CAPN3: variants seen among roughly 807,000 people sequenced by gnomAD.
CAPN3 encodes calpain 3.
Under a neutral mutation model 114.0 loss-of-function variants are expected in CAPN3, and 88 were observed. The observed-to-expected ratio is 0.77, with a 90% CI of 0.65 to 0.92. CAPN3 has a LOEUF of 0.92. Among genes scored for constraint, CAPN3 ranks in the 40% least tolerant of loss-of-function variants. CAPN3 has a pLI of 0.00. For missense variants in CAPN3, 1,028 were observed against 1,069.0 expected (o/e 0.96, Z 0.53); for synonymous variants, 386 against 382.9 (o/e 1.01, Z -0.09).
chr15:42,404,932 A>G lies in CAPN3; in HGVS notation c.1783-994A>G, dbSNP rs189935283. ...ATTGATCAGGACCTGCAAACCCAAA[A>G]GCTTATGGGAGCTGGCACGTCACGT... On this transcript the variant is annotated intron_variant, in intron 14 of 23. Coordinates refer to ENST00000397163, the MANE Select transcript of CAPN3 (RefSeq NM_000070.3). The G allele has an allele frequency of 7.0e-6, 7 of 999,408 alleles. No homozygotes were observed. The Admixed American group carries it at 3.2e-4, about 45-fold the overall frequency. 61.9% of individuals were successfully genotyped at this position (999,408 alleles called of 1,614,324 possible).
chr15:42,373,859 G>C (rs975085039), intron 1 of CAPN3, among the ~76,000 whole-genome samples: 2 of 152,162 alleles, frequency 1.3e-5, no homozygotes, highest in African/African-American at 4.8e-5. Flanking sequence ...TCAGTAGCCT[G>C]TATAGGATTA....
At chr15:42,402,721 T>G in intron 12 of CAPN3, 73 bp from the exon 13 acceptor site, 1 of 1,584,996 alleles carries the variant, frequency 6.3e-7, no homozygotes, top group African/African-American at 1.3e-5. Flanking sequence ...AAGGGACCCT[T>G]GGAGGTGGCT....
chr15:42,375,377 G>A (rs1409499083), intron 1 of CAPN3, among the ~76,000 whole-genome samples: 2 of 152,074 alleles, frequency 1.3e-5, no homozygotes, highest in East Asian at 1.9e-4. Flanking sequence ...GACTCCTTAC[G>A]GGATGAAGCA....
Position 42,399,658 on chromosome 15 carries a change from A to C in CAPN3, c.1354+6A>C, listed in dbSNP as rs1566979542. On this transcript the variant is annotated splice_donor_region_variant and intron_variant, in intron 10 of 23. Transcript: ENST00000397163. ...AGGCTGCCGCAACTTCCCAGGTGGG[A>C]GATGCTCTTGATGGGGGGAGGGTCT... The C allele has an allele frequency of 1.3e-6, 2 of 1,594,068 alleles. No homozygotes were observed. Among genetic ancestry groups the C allele is most frequent in the Non-Finnish European group, 1.7e-6 (2 of 1,169,050 alleles).
intron 1 of CAPN3, among the ~76,000 whole-genome samples, chr15:42,379,035 C>G (rs148505049): frequency 6.6e-6 from 1 of 151,986 alleles, no homozygotes; most frequent in Non-Finnish European, 1.5e-5. Context: ...AATTGGTTGC[C>G]GGACGCAGTG....
At chr15:42,394,208 C>T in intron 7 of CAPN3, 48 bp from the exon 8 acceptor site, 1 of 1,514,628 alleles carries the variant, frequency 6.6e-7, no homozygotes, top group African/African-American at 1.4e-5. Context: ...AGAAGATTCC[C>T]TTTCCAGAGA....
rs117480333 is a variant in CAPN3, at chr15:42,359,811, G to T, written c.6G>T (p.Pro2=). 2.8e-5 allele frequency: 45 copies of T among 1,613,400 alleles called. No homozygotes were observed. The highest frequency in any genetic ancestry group is 3.7e-5 in the Non-Finnish European group (44 of 1,179,994). ...TTCTTCCAAAGCCACTTGCCATGCC[G>T]ACCGTCATTAGCGCATCTGTGGCTC... M[P]TVISASVAPR... Residue 2 remains proline, a synonymous_variant, in exon 1 of 24, where the codon CCG becomes CCT. Transcript: ENST00000397163.
At chr15:42,370,372 A>G (rs78679324) in intron 1 of CAPN3, among the ~76,000 whole-genome samples, 7,319 of 152,258 alleles carry the variant, frequency 0.048, 622 homozygotes, top group African/African-American at 0.17. Flanking sequence ...AAGTTACTCC[A>G]TGCCAGCATG....
Position 42,411,690 on chromosome 15 carries a change from G to GGC in CAPN3, c.2440-56_2440-55insCG, listed in dbSNP as rs1555423360. 6.5e-5 allele frequency: 12 copies of GGC among 184,438 alleles called. No homozygotes were observed. The East Asian group carries it at 1.2e-3, about 19-fold the overall frequency. The allele number at this position is 184,438 out of a possible 1,614,324, so 11.4% of individuals were successfully genotyped here. A position where few individuals can be genotyped will look rare whatever the true frequency, so the allele number is the denominator to read the frequency against. On this transcript the variant is annotated intron_variant, in intron 23 of 23. Coordinates refer to ENST00000397163, the MANE Select transcript of CAPN3 (RefSeq NM_000070.3). ...CTTGCCCCGTAAGATTCCTAGGGCG[G>GGC]GGGGGGGGGGGGTCACTCTTTTCTG...
intron 1 of CAPN3, among the ~76,000 whole-genome samples, chr15:42,371,309 G>A (rs762110616): frequency 3.3e-5 from 5 of 152,074 alleles, no homozygotes; most frequent in Non-Finnish European, 7.4e-5. Flanking sequence ...TCCTCCTGGG[G>A]GTCATGATGG....
rs924618241 is a variant in CAPN3, at chr15:42,398,644, C to T, written c.1194-848C>T. Among the ~76,000 whole-genome samples, 5 of 146,212 alleles carry T rather than the reference C, an allele frequency of 3.4e-5. No individual in the cohort carries two copies. The South Asian group carries it at 1.1e-3, about 32-fold the overall frequency. On this transcript the variant is annotated intron_variant, in intron 9 of 23. Coordinates refer to ENST00000397163, the MANE Select transcript of CAPN3 (RefSeq NM_000070.3). The stretch of plus-strand genomic sequence containing the variant: ...ACACACACACACACACATATATATA[C>T]ACACATATATATACACACACATATA...
chr15:42,361,231 C>G (rs1332375532), intron 1 of CAPN3, among the ~76,000 whole-genome samples: 2 of 152,116 alleles, frequency 1.3e-5, no homozygotes, highest in Admixed American at 6.5e-5. Context: ...TTTGGAAGGC[C>G]CAGGCTGGAG....
rs886042479 is a variant in CAPN3, at chr15:42,408,334, C to A, written c.1914+10C>A. 6.3e-7 allele frequency: 1 copy of A among 1,577,178 alleles called. No individual in the cohort carries two copies. The highest frequency in any genetic ancestry group is 1.1e-5 in the South Asian group (1 of 90,402). ...AAAGCAGTCCCCACAGGTGTCTGGG[C>A]ATGTGGCATGGGTGGGGTGGCCAGC... On this transcript the variant is annotated intron_variant, in intron 16 of 23. Coordinates refer to ENST00000397163, the MANE Select transcript of CAPN3 (RefSeq NM_000070.3).
At chr15:42,411,386 C>G (rs1285691406) in intron 23 of CAPN3, 41 bp downstream of exon 23, 1 of 1,583,862 alleles carries the variant, frequency 6.3e-7, no homozygotes, top group South Asian at 1.1e-5. Flanking sequence ...CACATTAAAA[C>G]TCAAGGTGGA....
Position 42,412,306 on chromosome 15 carries a change from G to A in CAPN3, c.*533G>A. 1 of 863,658 alleles carries A rather than the reference G, an allele frequency of 1.2e-6. No homozygotes were observed. 53.5% of individuals were successfully genotyped at this position (863,658 alleles called of 1,614,324 possible). On this transcript the variant is annotated 3_prime_UTR_variant, in exon 24 of 24. Transcript: ENST00000397163. Reference sequence around the variant, plus strand: ...AAAGCTGATCTAAATAAAGGCATGTGTATGGCTGGTCCCCTTGTGTTTTGT... The same window carrying A: ...AAAGCTGATCTAAATAAAGGCATGTATATGGCTGGTCCCCTTGTGTTTTGT...
At chr15:42,394,588 G>A (rs1019503636) in intron 8 of CAPN3, among the ~76,000 whole-genome samples, 10 of 152,178 alleles carry the variant, frequency 6.6e-5, no homozygotes, top group African/African-American at 1.4e-4. Flanking sequence ...TCCAGAAAGC[G>A]TGGGGAAGGT....
At chr15:42,404,878 C>T in intron 14 of CAPN3, 2 of 1,042,706 alleles carry the variant, frequency 1.9e-6, no homozygotes, top group Non-Finnish European at 2.3e-6. Flanking sequence ...CTGTTCTGGT[C>T]ATCTGGATGC....
chr15:42,398,113 C>T lies in CAPN3; in HGVS notation c.1193+1236C>T, dbSNP rs376127447. Among the ~76,000 whole-genome samples the T allele has an allele frequency of 3.2e-4, 42 of 132,028 alleles. 1 individual carries two copies. In the Middle Eastern group the frequency reaches 0.01, roughly 33 times the overall value. The allele number at this position is 132,028 out of a possible 152,430, so 86.6% of individuals were successfully genotyped here. The stretch of plus-strand genomic sequence containing the variant: ...CATAGCTATATATATTTTTGGGGTA[C>T]ATATGTACCCATATTTTGGGGGTAC... On this transcript the variant is annotated intron_variant, in intron 9 of 23. Coordinates refer to ENST00000397163, the MANE Select transcript of CAPN3 (RefSeq NM_000070.3).
At position 42,375,073 on chromosome 15, in the gene CAPN3, C is replaced by G. The variant is rs184950175; in HGVS notation, c.310-9410C>G. 3.1e-3 allele frequency among the ~76,000 whole-genome samples: 476 copies of G among 151,182 alleles called. 2 individuals are homozygous for G. The highest frequency in any genetic ancestry group is 0.011 in the African/African-American group (460 of 41,200). The stretch of plus-strand genomic sequence containing the variant: ...CTCACTATGTTGCCCAGGCTGGTCT[C>G]AAACCCCTCGGCTCAAGCAATCCTC... On this transcript the variant is annotated intron_variant, in intron 1 of 23. Transcript: ENST00000397163.
Sources: gnomAD v4.1 joint callset for allele counts (sites outside exome capture counted in the v4.1 genomes callset) on GRCh38, gnomAD v4.1.1 for gene constraint, MANE v1.5 for transcripts, NCBI Gene and HGNC (gene_info 2026-07-23, HGNC 2026-07-21) for gene names.